ANKRD17: variants seen among roughly 807,000 people sequenced by gnomAD.
ANKRD17 encodes the protein ankyrin repeat domain-containing protein 17.
ANKRD17 carries 19 observed loss-of-function variants against 229.7 expected under a neutral mutation model. The observed-to-expected ratio is 0.08, with a 90% CI of 0.06 to 0.12. The LOEUF is 0.12. Ranked by LOEUF, ANKRD17 falls within the 10% of genes least tolerant of loss-of-function variation. ANKRD17 has a pLI of 1.00. For missense variants in ANKRD17, 2,176 were observed against 3,176.8 expected (o/e 0.68, Z 7.57); for synonymous variants, 1,112 against 1,146.1 (o/e 0.97, Z 0.60).
At chr4:73,217,963 C>A (rs946875862) in intron 1 of ANKRD17, among the ~76,000 whole-genome samples, 3 of 151,980 alleles carry the variant, frequency 2.0e-5, no homozygotes, top group African/African-American at 7.3e-5. Flanking sequence ...CCACCTAAAG[C>A]AGAACATGAG....
intron 1 of ANKRD17, among the ~76,000 whole-genome samples, chr4:73,238,781 A>G (rs1743748261): frequency 6.6e-6 from 1 of 152,182 alleles, no homozygotes; most frequent in Admixed American, 6.5e-5. Flanking sequence ...CCATAAAAGG[A>G]TGGTAAGAAG....
chr4:73,113,544 A>G (rs1308606484), intron 24 of ANKRD17, among the ~76,000 whole-genome samples: 1 of 152,230 alleles, frequency 6.6e-6, no homozygotes, highest in Non-Finnish European at 1.5e-5. Flanking sequence ...ATCCAGAACT[A>G]GAAGCTAAGT....
At chr4:73,136,530 G>A (rs968196749) in intron 15 of ANKRD17, among the ~76,000 whole-genome samples, 9 of 151,764 alleles carry the variant, frequency 5.9e-5, no homozygotes, top group Admixed American at 2.6e-4. Context: ...AAAAGCCAAA[G>A]GAAAAACGAA....
At chr4:73,166,759 G>GA (rs557490181) in intron 2 of ANKRD17, among the ~76,000 whole-genome samples, 27,916 of 128,236 alleles carry the variant, frequency 0.22, 3,034 homozygotes, top group African/African-American at 0.31. Flanking sequence ...CAAATAAATA[G>GA]AAAAAAAAAA....
At position 73,241,178 on chromosome 4, in the gene ANKRD17, A is replaced by G. The variant is rs148965755; in HGVS notation, c.393+17098T>C. Among the ~76,000 whole-genome samples, 935 of 152,292 alleles carry G rather than the reference A, an allele frequency of 6.1e-3. 11 individuals are homozygous for G. The highest frequency in any genetic ancestry group is 0.019 in the African/African-American group (779 of 41,550). On this transcript the variant is annotated intron_variant, in intron 1 of 33. Coordinates refer to ENST00000358602, the MANE Select transcript of ANKRD17 (RefSeq NM_032217.5). ...TGGTTTATTGTTGTATTGTGGAAAT[A>G]CATAAAATAAAGGCATTATTCAAAT...
At chr4:73,125,152 T>A in intron 17 of ANKRD17, 49 bp downstream of exon 17, 1 of 1,591,552 alleles carries the variant, frequency 6.3e-7, no homozygotes. Flanking sequence ...TGTTCCTAAA[T>A]AAATTTTTTG....
chr4:73,158,198 G>GA (rs1272341736), intron 3 of ANKRD17, among the ~76,000 whole-genome samples: 1 of 149,022 alleles, frequency 6.7e-6, no homozygotes, highest in Non-Finnish European at 1.5e-5. Flanking sequence ...GAGAGAGAAA[G>GA]AAAGAAAGAA....
chr4:73,145,674 C>T (rs1196158110), intron 10 of ANKRD17, among the ~76,000 whole-genome samples: 1 of 152,044 alleles, frequency 6.6e-6, no homozygotes, highest in Non-Finnish European at 1.5e-5. Context: ...TTGTGGCAAA[C>T]ACTAGGAATA....
intron 24 of ANKRD17, 79 bp from the exon 25 acceptor site, chr4:73,102,626 T>A: frequency 6.7e-7 from 1 of 1,486,758 alleles, no homozygotes; most frequent in East Asian, 2.3e-5. Context: ...CATTTAATCA[T>A]AAGGAAACCA....
In ANKRD17 at chr4:73,076,941, G is replaced by A. The variant is rs755461439; in HGVS notation, c.7751C>T (p.Thr2584Met). ...SSSTENNGPQ[T>M]VWTGPWAPHM... ...TATTCACTGAATGATCAGCCTCACC[G>A]TTTGAGGGCCATTATTTTCCGTGGA... The change falls in exon 33 of 34, where the codon ACG (threonine) becomes ATG (methionine). Residue 2584 changes from threonine to methionine, a missense_variant and splice_region_variant. This residue lies in a region of ANKRD17 where 159 missense variants were observed against 214.3 expected (regional missense o/e 0.74). Coordinates refer to ENST00000358602, the MANE Select transcript of ANKRD17 (RefSeq NM_032217.5). 2.5e-5 allele frequency: 40 copies of A among 1,609,274 alleles called. No individual in the cohort carries two copies. The highest frequency in any genetic ancestry group is 2.2e-4 in the South Asian group (20 of 89,908).
chr4:73,152,164 A>G (rs1474514932), intron 6 of ANKRD17, among the ~76,000 whole-genome samples: 3 of 152,192 alleles, frequency 2.0e-5, no homozygotes, highest in Non-Finnish European at 4.4e-5. Flanking sequence ...AAAAGACTTC[A>G]GATCCTATGC....
At chr4:73,172,883 G>A (rs1040027562) in intron 2 of ANKRD17, among the ~76,000 whole-genome samples, 1 of 151,966 alleles carries the variant, frequency 6.6e-6, no homozygotes, top group Non-Finnish European at 1.5e-5. Context: ...TGAAAGGCAG[G>A]AAGGAAAGAA....
At chr4:73,161,731 A>T (rs150895000) in intron 2 of ANKRD17, among the ~76,000 whole-genome samples, 31 of 152,370 alleles carry the variant, frequency 2.0e-4, no homozygotes, top group Non-Finnish European at 4.4e-4. Flanking sequence ...GCCCAAAATA[A>T]AGTCAACATA....
rs540002068 is a variant in ANKRD17, at chr4:73,107,751, G to C, written c.4402-5204C>G. Among the ~76,000 whole-genome samples the C allele has an allele frequency of 4.6e-5, 7 of 152,222 alleles. No homozygotes were observed. In the East Asian group the frequency reaches 1.4e-3, roughly 29 times the overall value. On this transcript the variant is annotated intron_variant, in intron 24 of 33. Coordinates refer to ENST00000358602, the MANE Select transcript of ANKRD17 (RefSeq NM_032217.5). ...CTAAGAACAGTAGCAAATGAGTTTCGGGGAACAGTATCAGGAGGCTTGATC... is the reference window on the plus strand; with the variant it reads ...CTAAGAACAGTAGCAAATGAGTTTCCGGGAACAGTATCAGGAGGCTTGATC...
At chr4:73,199,525 C>A (rs1164539873) in intron 1 of ANKRD17, among the ~76,000 whole-genome samples, 1 of 152,098 alleles carries the variant, frequency 6.6e-6, no homozygotes, top group African/African-American at 2.4e-5. Context: ...GTTCCTTCTA[C>A]CTGGAATTCA....
At chr4:73,177,314 G>T in intron 2 of ANKRD17, 66 bp downstream of exon 2, 1 of 1,356,728 alleles carries the variant, frequency 7.4e-7, no homozygotes, top group Admixed American at 2.5e-5. Context: ...TTTAACAAGA[G>T]CTTTTATTAG....
intron 1 of ANKRD17, among the ~76,000 whole-genome samples, chr4:73,186,303 G>C (rs1736282606): frequency 6.6e-6 from 1 of 151,788 alleles, no homozygotes; most frequent in Non-Finnish European, 1.5e-5. Context: ...ACTAATCCAA[G>C]TATAAGACTG....
At chr4:73,194,767 T>C (rs541809035) in intron 1 of ANKRD17, among the ~76,000 whole-genome samples, 6 of 152,244 alleles carry the variant, frequency 3.9e-5, no homozygotes, top group East Asian at 3.9e-4. Flanking sequence ...CCTTCCACCA[T>C]AGGCAAAAAT....
intron 15 of ANKRD17, among the ~76,000 whole-genome samples, chr4:73,137,020 T>TC (rs1475802867): frequency 6.6e-6 from 1 of 150,992 alleles, no homozygotes; most frequent in East Asian, 1.9e-4. Flanking sequence ...TGGTTGTTCT[T>TC]ATCACCTCAT....
Sources: gnomAD v4.1 joint callset for allele counts (sites outside exome capture counted in the v4.1 genomes callset) on GRCh38, gnomAD v4.1.1 for gene constraint, gnomAD v4.1.1 regional missense constraint, MANE v1.5 for transcripts, NCBI Gene and HGNC (gene_info 2026-07-23, HGNC 2026-07-21) for gene names.